OR2C1: variants seen among roughly 807,000 people sequenced by gnomAD.
The protein encoded by OR2C1 is olfactory receptor 2C1.
For missense variants in OR2C1, 468 were observed against 388.3 expected, an observed-to-expected ratio of 1.21 and a Z score of -1.73; for synonymous variants, 209 against 167.3, an observed-to-expected ratio of 1.25 and a Z score of -1.92.
chr16:3,350,947 G>T (rs576725911), upstream of OR2C1, among the ~76,000 whole-genome samples: 404 of 150,452 alleles, frequency 2.7e-3, 1 homozygote, highest in Non-Finnish European at 4.2e-3. Context: ...AGGCTGAGGC[G>T]GGAGGATTGC....
At chr16:3,325,236 C>T in the OR2C1 span, among the ~76,000 whole-genome samples, 1 of 152,016 alleles carries the variant, frequency 6.6e-6, no homozygotes, top group Non-Finnish European at 1.5e-5. Context: ...CCACCCTCAG[C>T]CTCCCAATGT....
chr16:3,353,418 G>A (rs1365969494), upstream of OR2C1, among the ~76,000 whole-genome samples: 4 of 149,986 alleles, frequency 2.7e-5, no homozygotes, highest in African/African-American at 9.8e-5. Context: ...TTGAACTCAG[G>A]AGGTGGAGGT....
the OR2C1 span, chr16:3,323,971 A>G: frequency 1.6e-5 from 9 of 580,424 alleles, no homozygotes; most frequent in Non-Finnish European, 2.7e-5. Context: ...AATTTTTAAA[A>G]CCAATAGGTA....
At chr16:3,328,710 C>T in the OR2C1 span, among the ~76,000 whole-genome samples, 2 of 152,084 alleles carry the variant, frequency 1.3e-5, no homozygotes, top group African/African-American at 4.8e-5. Context: ...AAGAACATAC[C>T]CAAATCAGAA....
chr16:3,346,881 C>T, the OR2C1 span, among the ~76,000 whole-genome samples: 6 of 151,334 alleles, frequency 4.0e-5, no homozygotes, highest in African/African-American at 1.5e-4. Flanking sequence ...ATCTGCCCAC[C>T]TCAGGCTCCC....
chr16:3,339,469 GTTTTTGAGATGGAGT>G, the OR2C1 span, among the ~76,000 whole-genome samples: 1 of 151,750 alleles, frequency 6.6e-6, no homozygotes, highest in East Asian at 1.9e-4. Context: ...TTTACTTTTT[GTTTTTGAGATGGAGT>G]CTTGCTCTGT....
In OR2C1 at chr16:3,356,650, C is replaced by T. The variant is rs752188374; in HGVS notation, c.710C>T (p.Ala237Val). 6.2e-6 allele frequency: 10 copies of T among 1,614,114 alleles called. No homozygotes were observed. Among genetic ancestry groups the T allele is most frequent in the South Asian group, 4.4e-5 (4 of 91,080 alleles). ...KIRSAEGRRK[A>V]FNTCLSHLLV... ...CGCTCTGCAGAGGGGAGGCGAAAGG[C>T]GTTCAATACGTGCCTCTCCCATCTG... Residue 237 changes from alanine to valine, a missense_variant, in exon 1 of 1, where the codon GCG becomes GTG. Ala to Val is a moderately conservative substitution (Grantham distance 64). Transcript: ENST00000304936.
At chr16:3,325,488 T>C in the OR2C1 span, among the ~76,000 whole-genome samples, 1 of 82,296 alleles carries the variant, frequency 1.2e-5, no homozygotes, top group African/African-American at 4.3e-5. Flanking sequence ...TATATATATA[T>C]ATATATATAT....
chr16:3,345,701 C>T, the OR2C1 span, among the ~76,000 whole-genome samples: 1 of 151,492 alleles, frequency 6.6e-6, no homozygotes, highest in Non-Finnish European at 1.5e-5. Context: ...GGGATTCTTT[C>T]CCTTTCCTTC....
the OR2C1 span, among the ~76,000 whole-genome samples, chr16:3,329,495 G>T: frequency 6.6e-6 from 1 of 152,022 alleles, no homozygotes; most frequent in Non-Finnish European, 1.5e-5. Context: ...TGTCGCCCAG[G>T]CTGGAGTGCA....
the OR2C1 span, among the ~76,000 whole-genome samples, chr16:3,333,210 CATTTTTTTT>C: frequency 0.11 from 3,578 of 32,692 alleles, 395 homozygotes; most frequent in Non-Finnish European, 0.14. Context: ...ATCTTTTGCC[CATTTTTTTT>C]TTTTTTTTTT....
upstream of OR2C1, among the ~76,000 whole-genome samples, chr16:3,355,005 T>C (rs1017136739): frequency 6.6e-6 from 1 of 152,142 alleles, no homozygotes; most frequent in Non-Finnish European, 1.5e-5. Context: ...TATCCCGTCA[T>C]AGCCATTGTT....
Position 3,356,282 on chromosome 16 carries a change from G to A in OR2C1, c.342G>A (p.Leu114=), listed in dbSNP as rs768876097. The A allele has an allele frequency of 6.2e-7, 1 of 1,613,808 alleles. No homozygotes were observed. The highest frequency in any genetic ancestry group is 1.1e-5 in the South Asian group (1 of 91,076). The change falls in exon 1 of 1, where the codon CTG becomes CTA. Residue 114 remains leucine, a synonymous_variant. Transcript: ENST00000304936. ...GGCTGGGGGCCACCGAGTGCATCCTGCTGGTGGTGATGGCATTTGACCGCT... is the reference window on the plus strand; with the variant it reads ...GGCTGGGGGCCACCGAGTGCATCCTACTGGTGGTGATGGCATTTGACCGCT... ...FLWLGATECI[L]LVVMAFDRYV...
the OR2C1 span, among the ~76,000 whole-genome samples, chr16:3,333,953 G>T: frequency 0.017 from 2,619 of 151,216 alleles, 82 homozygotes; most frequent in African/African-American, 0.06. Context: ...TGAAGAGATT[G>T]TCCTTTCCCC....
At chr16:3,324,951 C>CT in the OR2C1 span, among the ~76,000 whole-genome samples, 2 of 151,882 alleles carry the variant, frequency 1.3e-5, no homozygotes, top group East Asian at 1.9e-4. Flanking sequence ...GTACTGTAGT[C>CT]TTTTTTATTT....
rs748739903 is a variant in OR2C1 at position 3,355,901 on chromosome 16, G to A, written c.-40G>A. ...TTCTTGACTTTTCTTCCAGCAGCTT[G>A]CGCTAAATGAATTCATCAAGTGACT... On this transcript the variant is annotated 5_prime_UTR_variant, in exon 1 of 1. Coordinates refer to ENST00000304936, the MANE Select transcript of OR2C1 (RefSeq NM_012368.3). The A allele has an allele frequency of 2.1e-5, 31 of 1,451,062 alleles. No homozygotes were observed. The highest frequency in any genetic ancestry group is 2.7e-5 in the Non-Finnish European group (29 of 1,059,138). The allele number at this position is 1,451,062 out of a possible 1,614,324, so 89.9% of individuals were successfully genotyped here.
the OR2C1 span, among the ~76,000 whole-genome samples, chr16:3,331,300 T>C: frequency 2.0e-5 from 3 of 152,088 alleles, no homozygotes; most frequent in African/African-American, 7.2e-5. Flanking sequence ...CTTTGTCAGA[T>C]GAGTAGGTTG....
chr16:3,356,561 T>C lies in OR2C1; in HGVS notation c.621T>C (p.Thr207=). ...AVLNGVCTFF[T]AVPLSIIVIS... ...TCAATGGTGTCTGCACCTTCTTCACTGCAGTCCCACTAAGCATCATCGTGA... is the reference window on the plus strand; with the variant it reads ...TCAATGGTGTCTGCACCTTCTTCACCGCAGTCCCACTAAGCATCATCGTGA... Residue 207 remains threonine, a synonymous_variant, in exon 1 of 1, where the codon ACT becomes ACC. Transcript: ENST00000304936. 2 of 1,614,210 alleles carry C rather than the reference T, an allele frequency of 1.2e-6. No individual in the cohort carries two copies. The highest frequency in any genetic ancestry group is 1.7e-6 in the Non-Finnish European group (2 of 1,180,038).
chr16:3,336,794 C>T, the OR2C1 span, among the ~76,000 whole-genome samples: 4 of 148,262 alleles, frequency 2.7e-5, no homozygotes, highest in East Asian at 4.0e-4. Context: ...CTGCAACCTC[C>T]GTCTCCCAGG....
Sources: allele counts gnomAD v4.1 joint callset (sites outside exome capture counted in the v4.1 genomes callset), GRCh38; gene constraint gnomAD v4.1.1; transcripts MANE v1.5; gene names NCBI Gene and HGNC (gene_info 2026-07-23, HGNC 2026-07-21).